Variants in NPAS1 observed in about 807,000 individuals in gnomAD.
NPAS1 encodes the protein neuronal PAS domain protein 1, also known as neuronal PAS domain-containing protein 1.
A neutral mutation model predicts 49.2 loss-of-function variants in NPAS1; 29 were observed. The ratio of observed to expected loss-of-function variants is 0.59; its 90% CI spans 0.44 to 0.80. NPAS1 has a LOEUF of 0.80. Ranked by LOEUF, NPAS1 falls within the 30% of genes least tolerant of loss-of-function variation. The pLI is 0.00. For missense variants in NPAS1, 825 were observed against 835.5 expected, an observed-to-expected ratio of 0.99 and a Z score of 0.15; for synonymous variants, 408 against 380.4, an observed-to-expected ratio of 1.07 and a Z score of -0.84.
At chr19:47,040,415 C>T (rs1474878913) in intron 8 of NPAS1, 29 bp from the exon 9 acceptor site, 3 of 1,504,978 alleles carry the variant, frequency 2.0e-6, no homozygotes, top group East Asian at 2.4e-5. Flanking sequence ...TGGTCTTGGA[C>T]TCCTCCCCTC....
rs2057072883 is a variant in NPAS1 at position 47,045,723 on chromosome 19, C to T, written c.*72C>T. The stretch of plus-strand genomic sequence containing the variant: ...CCCAGGACAGTAGGCCCGGCTCTGC[C>T]CGTAGCCCTGAGAATTAAACGCCGG... On this transcript the variant is annotated 3_prime_UTR_variant, in exon 12 of 12. Coordinates refer to ENST00000602212, the MANE Select transcript of NPAS1 (RefSeq NM_002517.4). 1.6e-6 allele frequency: 2 copies of T among 1,267,444 alleles called. No homozygotes were observed. Among genetic ancestry groups the T allele is most frequent in the African/African-American group, 1.6e-5 (1 of 63,096 alleles). 78.5% of individuals were successfully genotyped at this position (1,267,444 alleles called of 1,614,324 possible). A position where few individuals can be genotyped will look rare whatever the true frequency, so the allele number is the denominator to read the frequency against.
intron 6 of NPAS1, among the ~76,000 whole-genome samples, chr19:47,036,915 T>C (rs2056962471): frequency 6.6e-6 from 1 of 151,278 alleles, no homozygotes; most frequent in African/African-American, 2.4e-5. Flanking sequence ...GAAAAAAACA[T>C]TAGCTGGGCA....
Position 47,045,316 on chromosome 19 carries a change from G to A in NPAS1, c.1438G>A (p.Asp480Asn). ...RETKGSEDSG[D>N]EDPSSHPATP... Reference sequence around the variant, plus strand: ...AACCAAAGGCTCCGAGGACAGTGGCGACGAGGATCCCTCCAGCCACCCGGC... The same window carrying A: ...AACCAAAGGCTCCGAGGACAGTGGCAACGAGGATCCCTCCAGCCACCCGGC... Residue 480 changes from aspartate (D) to asparagine (N), a missense_variant, in exon 12 of 12, where the codon GAC becomes AAC. By Grantham distance (23) the Asp-to-Asn change is conservative. Coordinates refer to ENST00000602212, the MANE Select transcript of NPAS1 (RefSeq NM_002517.4). 2.5e-6 allele frequency: 4 copies of A among 1,614,012 alleles called. 1 individual carries two copies. The South Asian group carries it at 3.3e-5, about 13-fold the overall frequency.
chr19:47,036,180 G>A, intron 6 of NPAS1, 51 bp downstream of exon 6: 1 of 1,518,894 alleles, frequency 6.6e-7, no homozygotes, highest in Non-Finnish European at 8.9e-7. Flanking sequence ...ATCGGGGGAC[G>A]CCCGCTGTAC....
intron 6 of NPAS1, among the ~76,000 whole-genome samples, chr19:47,037,721 T>C (rs903499799): frequency 6.6e-6 from 1 of 152,216 alleles, no homozygotes; most frequent in African/African-American, 2.4e-5. Flanking sequence ...AGACATCAGC[T>C]GTGCTTGCAA....
intron 11 of NPAS1, among the ~76,000 whole-genome samples, chr19:47,044,721 AGGTGTCTCCT>A (rs2057056277): frequency 6.6e-6 from 1 of 152,182 alleles, no homozygotes; most frequent in African/African-American, 2.4e-5. Context: ...AGATATTGCC[AGGTGTCTCCT>A]GGTGACAGAA....
At position 47,039,448 on chromosome 19, in the gene NPAS1, C is replaced by T. The variant is rs2056995203; in HGVS notation, c.846C>T (p.Gly282=). ...VTGRLRAHAL[G]LVALGHTLPP... is the part of the protein sequence containing the mutation. Reference sequence around the variant, plus strand: ...GGCGCCTTCGGGCCCACGCCCTGGGCCTTGTGGCCCTCGGGCACACGTTGC... The same window carrying T: ...GGCGCCTTCGGGCCCACGCCCTGGGTCTTGTGGCCCTCGGGCACACGTTGC... The change falls in exon 8 of 12, where the codon GGC becomes GGT. Residue 282 remains glycine (G), a synonymous_variant. Transcript: ENST00000602212. 1.2e-6 allele frequency: 2 copies of T among 1,611,830 alleles called. No homozygotes were observed. Among genetic ancestry groups the T allele is most frequent in the East Asian group, 2.2e-5 (1 of 44,862 alleles).
chr19:47,025,528 G>T (rs565250605), intron 3 of NPAS1, among the ~76,000 whole-genome samples: 1 of 151,366 alleles, frequency 6.6e-6, no homozygotes, highest in African/African-American at 2.4e-5. Context: ...TCCGCCTGCC[G>T]CAGCCTCCCA....
chr19:47,025,044 CCTTATCCTCCCA>C (rs1157389234), intron 3 of NPAS1, among the ~76,000 whole-genome samples: 16 of 135,096 alleles, frequency 1.2e-4, no homozygotes, highest in East Asian at 2.6e-4. Context: ...CTCCTGACCT[CCTTATCCTCCCA>C]AAGTGCTGGG....
rs1384019816 is a variant in NPAS1, at chr19:47,039,509, C to A, written c.907C>A (p.His303Asn). 2 of 1,610,418 alleles carry A rather than the reference C, an allele frequency of 1.2e-6. No individual in the cohort carries two copies. The highest frequency in any genetic ancestry group is 2.2e-5 in the East Asian group (1 of 44,794). ...APLAELPLHG[H>N]MIVFRLSLGL... Reference sequence around the variant, plus strand: ...CCTGGCTGAGCTGCCACTCCATGGACACATGATCGTCTTCCGTCTCAGCCT... The same window carrying A: ...CCTGGCTGAGCTGCCACTCCATGGAAACATGATCGTCTTCCGTCTCAGCCT... Residue 303 changes from histidine to asparagine, a missense_variant, in exon 8 of 12, where the codon CAC becomes AAC. His to Asn is a moderately conservative substitution (Grantham distance 68). Transcript: ENST00000602212.
In NPAS1 at chr19:47,032,369, C is replaced by T. The variant is rs529103772; in HGVS notation, c.432+18C>T. 7.4e-6 allele frequency: 12 copies of T among 1,613,150 alleles called. No individual in the cohort carries two copies. The East Asian group carries it at 2.7e-4, about 36-fold the overall frequency. On this transcript the variant is annotated intron_variant, in intron 4 of 11. Coordinates refer to ENST00000602212, the MANE Select transcript of NPAS1 (RefSeq NM_002517.4). ...TCTTGCAGGTGAGTGAGGCCCCTTCCCTGCCTGCCGCTCCTTGCTACCACC... is the reference window on the plus strand; with the variant it reads ...TCTTGCAGGTGAGTGAGGCCCCTTCTCTGCCTGCCGCTCCTTGCTACCACC...
At position 47,040,435 on chromosome 19, in the gene NPAS1, A is replaced by AC. The variant is rs746266358; in HGVS notation, c.963-3dup. On this transcript the variant is annotated splice_polypyrimidine_tract_variant and intron_variant, in intron 8 of 11. Transcript: ENST00000602212. ...TTGGACTCCTCCCCTCTTCTCTGTCACCCCCCAGAGTCAGCGACCACATGG... is the reference window on the plus strand; with the variant it reads ...TTGGACTCCTCCCCTCTTCTCTGTCACCCCCCCAGAGTCAGCGACCACATGG... 1.3e-6 allele frequency: 2 copies of AC among 1,566,638 alleles called. No homozygotes were observed. The highest frequency in any genetic ancestry group is 2.3e-5 in the East Asian group (1 of 42,880).
chr19:47,021,054 G>A lies in NPAS1; in HGVS notation c.7G>A (p.Ala3Thr). MA[A>T]PYPGSGGGSE... ...CTGAGCGAGCCCCCCGGAGATGGCG[G>A]CCCCCTATCCCGGCAGTGGCGGCGG... is the stretch of plus-strand genomic sequence containing the variant. The change falls in exon 2 of 12, where the codon GCC becomes ACC. Residue 3 changes from alanine (A) to threonine (T), a missense_variant. Transcript: ENST00000602212. This position sits in a 1 kb window ranked among gnomAD's most constrained non-coding sequence, Gnocchi z 5.7. 6.2e-7 allele frequency: 1 copy of A among 1,604,834 alleles called. No homozygotes were observed. The highest frequency in any genetic ancestry group is 8.5e-7 in the Non-Finnish European group (1 of 1,176,924).
intron 6 of NPAS1, among the ~76,000 whole-genome samples, chr19:47,036,415 G>T (rs1430266801): frequency 6.6e-6 from 1 of 152,320 alleles, no homozygotes; most frequent in Non-Finnish European, 1.5e-5. Flanking sequence ...AATATACACC[G>T]GCTGTGTCTG....
intron 11 of NPAS1, 145 bp from the exon 12 acceptor site, chr19:47,045,040 AAAAAAC>A (rs1375782269): frequency 1.1e-5 from 9 of 824,378 alleles, no homozygotes; most frequent in Admixed American, 5.9e-5. Flanking sequence ...ACAAAAAAAC[AAAAAAC>A]AAAAACAAAA....
chr19:47,021,605 C>T lies in NPAS1; in HGVS notation c.123-7C>T. The T allele has an allele frequency of 2.7e-6, 4 of 1,481,454 alleles. No individual in the cohort carries two copies. The highest frequency in any genetic ancestry group is 1.3e-5 in the South Asian group (1 of 77,248). 91.8% of individuals were successfully genotyped at this position (1,481,454 alleles called of 1,614,324 possible). The stretch of plus-strand genomic sequence containing the variant: ...CCGCCGACACCTCCTCCGCGCCGCC[C>T]GCCCAGCCTGCAGGCGCAGCGCAAG... On this transcript the variant is annotated splice_region_variant and splice_polypyrimidine_tract_variant and intron_variant, in intron 2 of 11. Coordinates refer to ENST00000602212, the MANE Select transcript of NPAS1 (RefSeq NM_002517.4). The surrounding 1 kb of genome is among the most constrained non-coding windows in gnomAD (Gnocchi z 5.7).
chr19:47,045,107 G>A, intron 11 of NPAS1, 84 bp from the exon 12 acceptor site: 1 of 1,290,584 alleles, frequency 7.7e-7, no homozygotes, highest in East Asian at 2.4e-5. Flanking sequence ...TACAGGTCTG[G>A]CCCACTAAGC....
In NPAS1 at chr19:47,039,513, T is replaced by G. The variant is rs777818621; in HGVS notation, c.911T>G (p.Met304Arg). 1 of 1,609,764 alleles carries G rather than the reference T, an allele frequency of 6.2e-7. No individual in the cohort carries two copies. Among genetic ancestry groups the G allele is most frequent in the Non-Finnish European group, 8.5e-7 (1 of 1,177,502 alleles). The change falls in exon 8 of 12, where the codon ATG (methionine) becomes AGG (arginine). Residue 304 changes from methionine to arginine, a missense_variant. Met to Arg is a moderately conservative substitution (Grantham distance 91). Coordinates refer to ENST00000602212, the MANE Select transcript of NPAS1 (RefSeq NM_002517.4). ...PLAELPLHGH[M>R]IVFRLSLGLT... ...GCTGAGCTGCCACTCCATGGACACA[T>G]GATCGTCTTCCGTCTCAGCCTGGGT...
chr19:47,020,071 T>A, intron 1 of NPAS1, 74 bp downstream of exon 1: 1 of 140,380 alleles, frequency 7.1e-6, no homozygotes, highest in Non-Finnish European at 1.4e-5. Context: ...AACTCCAGTG[T>A]CCTGGGGGAT....
Sources: gnomAD v4.1 joint callset for allele counts (sites outside exome capture counted in the v4.1 genomes callset) on GRCh38, gnomAD v4.1.1 for gene constraint, Gnocchi (gnomAD v3.1) non-coding constraint, MANE v1.5 for transcripts, NCBI Gene and HGNC (gene_info 2026-07-23, HGNC 2026-07-21) for gene names.